The following TSC2 variants were observed in gnomAD, a reference collection of about 807,000 sequenced individuals.
TSC2 encodes TSC complex subunit 2, also known as tuberin.
Under a neutral mutation model 202.2 loss-of-function variants are expected in TSC2, and 29 were observed. The observed-to-expected ratio is 0.14, with a 90% CI of 0.11 to 0.20. TSC2 has a LOEUF of 0.20. Among genes scored for constraint, TSC2 ranks in the 10% least tolerant of loss-of-function variants. TSC2 has a pLI of 1.00. For synonymous variants in TSC2, 1,349 were observed against 1,044.0 expected, an observed-to-expected ratio of 1.29 and a Z score of -5.63; for missense variants, 2,429 against 2,420.0, an observed-to-expected ratio of 1.00 and a Z score of -0.08.
At chr16:2,072,387 G>C (rs772790001) in intron 20 of TSC2, 24 bp downstream of exon 20, 1 of 1,613,186 alleles carries the variant, frequency 6.2e-7, no homozygotes, top group South Asian at 1.1e-5. Context: ...CCTGGGGTTG[G>C]GGTGGGGGAC....
rs2087007486 is a variant in TSC2 at position 2,064,278 on chromosome 16, C to T, written c.1450C>T (p.Leu484=). ...LINRQFYEEE[L]INSVVISQLS... is the part of the protein sequence containing the mutation. The stretch of plus-strand genomic sequence containing the variant: ...CTCCCTTGTGCCTGTGCAGGAGGAG[C>T]TGATTAACTCAGTGGTCATCTCGCA... Residue 484 remains leucine (L), a synonymous_variant, in exon 15 of 42, where the codon CTG becomes TTG. Coordinates refer to ENST00000219476, the MANE Select transcript of TSC2 (RefSeq NM_000548.5). The T allele has an allele frequency of 1.2e-6, 2 of 1,613,844 alleles. No individual in the cohort carries two copies. The highest frequency in any genetic ancestry group is 3.3e-5 in the Admixed American group (2 of 60,016).
chr16:2,072,379 T>C lies in TSC2; in HGVS notation c.2220+16T>C, dbSNP rs749079366. 6 of 1,612,574 alleles carry C rather than the reference T, an allele frequency of 3.7e-6. No homozygotes were observed. The highest frequency in any genetic ancestry group is 5.1e-6 in the Non-Finnish European group (6 of 1,179,152). On this transcript the variant is annotated intron_variant, in intron 20 of 41. Transcript: ENST00000219476. ...CTGCTCCATGGTACCATGGCCGGCC[T>C]GGGGTTGGGGTGGGGGACCCAGTAG...
intron 11 of TSC2, chr16:2,061,238 G>T: frequency 3.2e-6 from 1 of 313,448 alleles, no homozygotes; most frequent in South Asian, 2.9e-5. Flanking sequence ...CATCAGCATA[G>T]GGGCCCTGGG....
intron 13 of TSC2, 141 bp from the exon 14 acceptor site, chr16:2,062,831 C>T: frequency 9.7e-7 from 1 of 1,029,232 alleles, no homozygotes; most frequent in East Asian, 2.6e-5. Flanking sequence ...GAGAGATGCT[C>T]CCTGGGAAGC....
chr16:2,055,942 C>A, intron 6 of TSC2: 1 of 590,608 alleles, frequency 1.7e-6, no homozygotes, highest in Non-Finnish European at 3.1e-6. Context: ...GTTTAGCTCT[C>A]ATCTGATGTC....
In TSC2 at chr16:2,057,098, C is replaced by G. The variant is rs368164133; in HGVS notation, c.775-7C>G. ...TGCCAGCCCCTGACACGCATTGTGT[C>G]TCGCAGCTGATGCGGAACCTCCTTG... On this transcript the variant is annotated splice_polypyrimidine_tract_variant and splice_region_variant and intron_variant, in intron 8 of 41. Coordinates refer to ENST00000219476, the MANE Select transcript of TSC2 (RefSeq NM_000548.5). 8 of 1,551,274 alleles carry G rather than the reference C, an allele frequency of 5.2e-6. No individual in the cohort carries two copies. Among genetic ancestry groups the G allele is most frequent in the Non-Finnish European group, 6.1e-6 (7 of 1,146,974 alleles).
intron 30 of TSC2, chr16:2,081,288 C>CTGAGGGCCTGGGTGTGCT (rs1567508877): frequency 3.4e-5 from 15 of 443,576 alleles, no homozygotes; most frequent in African/African-American, 2.8e-4. Context: ...CTGGGTGTGC[C>CTGAGGGCCTGGGTGTGCT]GTGGCTGAGG....
chr16:2,056,138 C>T (rs768869777), intron 6 of TSC2, 58 bp from the exon 7 acceptor site: 13 of 1,606,484 alleles, frequency 8.1e-6, no homozygotes, highest in East Asian at 2.2e-5. Context: ...GACCACAGCC[C>T]GTGGTGGCTC....
Position 2,081,696 on chromosome 16 carries a change from G to T in TSC2, c.3712G>T (p.Ala1238Ser), listed in dbSNP as rs2090161746. The T allele has an allele frequency of 6.2e-7, 1 of 1,612,846 alleles. No individual in the cohort carries two copies. The highest frequency in any genetic ancestry group is 1.3e-5 in the African/African-American group (1 of 74,938). ...LQELSNALMAAERFKEHRDTA... is the reference protein window; with the variant it reads ...LQELSNALMASERFKEHRDTA... ...GGAGCTGTCTAACGCCCTCATGGCGGCTGAGCGCTTCAAGGAGCACCGGGA... is the reference window on the plus strand; with the variant it reads ...GGAGCTGTCTAACGCCCTCATGGCGTCTGAGCGCTTCAAGGAGCACCGGGA... The change falls in exon 31 of 42, where the codon GCT becomes TCT. Residue 1238 changes from alanine to serine, a missense_variant. Physicochemically the swap from Ala to Ser is moderately conservative, Grantham distance 99. Coordinates refer to ENST00000219476, the MANE Select transcript of TSC2 (RefSeq NM_000548.5).
At chr16:2,049,294 C>T (rs755147738) in intron 2 of TSC2, among the ~76,000 whole-genome samples, 21 of 151,800 alleles carry the variant, frequency 1.4e-4, no homozygotes, top group Non-Finnish European at 2.8e-4. Context: ...CTATCTTGGC[C>T]AGGCTGGTCT....
intron 24 of TSC2, 107 bp from the exon 25 acceptor site, chr16:2,076,384 C>T: frequency 6.3e-7 from 1 of 1,585,690 alleles, no homozygotes; most frequent in Non-Finnish European, 8.6e-7. Flanking sequence ...CGCCGCCTTG[C>T]CCCTAGCCTG....
rs1299377997 is a variant in TSC2, at chr16:2,050,455, G to T, written c.194G>T (p.Cys65Phe). Residue 65 changes from cysteine to phenylalanine, a missense_variant, in exon 3 of 42, where the codon TGT becomes TTT. Cys to Phe is a radical substitution (Grantham distance 205, BLOSUM62 -2). Coordinates refer to ENST00000219476, the MANE Select transcript of TSC2 (RefSeq NM_000548.5). ...CGCATCCGGATGATAGGGCAGATTT[G>T]TGAAGTCGCAAAAACCAAGAAATTT... ...NNRIRMIGQI[C>F]EVAKTKKFEE... 1 of 1,613,992 alleles carries T rather than the reference G, an allele frequency of 6.2e-7. No homozygotes were observed. The highest frequency in any genetic ancestry group is 8.5e-7 in the Non-Finnish European group (1 of 1,179,972).
At chr16:2,070,392 G>C (rs976976716) in intron 16 of TSC2, 64 bp from the exon 17 acceptor site, 12 of 1,612,820 alleles carry the variant, frequency 7.4e-6, no homozygotes, top group Non-Finnish European at 1.0e-5. Context: ...CCGGGACAAG[G>C]GTGCTGTCTT....
Position 2,080,346 on chromosome 16 carries a change from C to A in TSC2, c.3579C>A (p.Gly1193=), listed in dbSNP as rs1165422495. 6.2e-7 allele frequency: 1 copy of A among 1,612,470 alleles called. No homozygotes were observed. Among genetic ancestry groups the A allele is most frequent in the South Asian group, 1.1e-5 (1 of 91,066 alleles). Residue 1193 remains glycine (G), a synonymous_variant, in exon 30 of 42, where the codon GGC becomes GGA. Transcript: ENST00000219476. ...LAAYVPLLTQ[G]WAEILVRRPT... is the part of the protein sequence containing the mutation. Reference sequence around the variant, plus strand: ...CCTATGTGCCCCTGCTGACCCAGGGCTGGGCGGAGATCCTGGTCCGGAGGC... The same window carrying A: ...CCTATGTGCCCCTGCTGACCCAGGGATGGGCGGAGATCCTGGTCCGGAGGC...
chr16:2,085,363 G>T, intron 36 of TSC2, 41 bp downstream of exon 36: 5 of 1,606,532 alleles, frequency 3.1e-6, no homozygotes, highest in Non-Finnish European at 4.3e-6. Context: ...GACAGGGCCA[G>T]CTGGGCCTCA....
chr16:2,077,735 A>G lies in TSC2; in HGVS notation c.2966+9A>G. 6.2e-7 allele frequency: 1 copy of G among 1,611,926 alleles called. No homozygotes were observed. The highest frequency in any genetic ancestry group is 8.5e-7 in the Non-Finnish European group (1 of 1,179,978). ...GAACATGTGGTCCGCAGGTAGCGGGACTGTCGGGTGGGGGGCACGGACCCT... is the reference window on the plus strand; with the variant it reads ...GAACATGTGGTCCGCAGGTAGCGGGGCTGTCGGGTGGGGGGCACGGACCCT... On this transcript the variant is annotated intron_variant, in intron 26 of 41. Coordinates refer to ENST00000219476, the MANE Select transcript of TSC2 (RefSeq NM_000548.5).
At chr16:2,074,077 A>C in intron 21 of TSC2, 123 bp from the exon 22 acceptor site, 2 of 1,267,810 alleles carry the variant, frequency 1.6e-6, no homozygotes, top group Non-Finnish European at 1.1e-6. Context: ...TCTGCCCCAC[A>C]GGCATTCAGG....
intron 8 of TSC2, 130 bp downstream of exon 8, chr16:2,056,899 T>C: frequency 6.7e-7 from 1 of 1,500,974 alleles, no homozygotes; most frequent in Non-Finnish European, 9.2e-7. Context: ...GGACGGCCAG[T>C]GTCATTTTCC....
Position 2,074,233 on chromosome 16 carries a change from A to G in TSC2, c.2389A>G (p.Ile797Val), listed in dbSNP as rs1240217406. 1.9e-6 allele frequency: 3 copies of G among 1,612,266 alleles called. No homozygotes were observed. Among genetic ancestry groups the G allele is most frequent in the South Asian group, 2.2e-5 (2 of 91,040 alleles). The change falls in exon 22 of 42, where the codon ATC (isoleucine) becomes GTC (valine). Residue 797 changes from isoleucine to valine, a missense_variant. By Grantham distance (29) the Ile-to-Val change is conservative (BLOSUM62 3). Transcript: ENST00000219476. ...GGTCTACTGCCTGGAGCAGGGCCTC[A>G]TCCACCGCTGTGCCAGCCAGTGCGT... Reference protein sequence around the residue: ...EMVYCLEQGLIHRCASQCVVA... With the variant: ...EMVYCLEQGLVHRCASQCVVA...
Sources: allele counts gnomAD v4.1 joint callset (sites outside exome capture counted in the v4.1 genomes callset), GRCh38; gene constraint gnomAD v4.1.1; transcripts MANE v1.5; gene names NCBI Gene and HGNC (gene_info 2026-07-23, HGNC 2026-07-21).